ASTN1: variants seen among roughly 807,000 people sequenced by gnomAD.
The protein encoded by ASTN1 is astrotactin-1.
ASTN1 carries 41 observed loss-of-function variants against 140.7 expected under a neutral mutation model. The observed-to-expected ratio is 0.29, with a 90% confidence interval of 0.23 to 0.38. ASTN1 has a LOEUF of 0.38. Ranked by LOEUF, ASTN1 falls within the 10% of genes least tolerant of loss-of-function variation. ASTN1 has a pLI of 1.00. For missense variants in ASTN1, 1,479 were observed against 1,678.8 expected, an observed-to-expected ratio of 0.88 and a Z score of 2.08; for synonymous variants, 640 against 652.2, an observed-to-expected ratio of 0.98 and a Z score of 0.29.
downstream of ASTN1, chr1:176,857,780 G>A (rs1667857352): frequency 1.2e-5 from 5 of 405,266 alleles, no homozygotes; most frequent in East Asian, 1.8e-4. Context: ...TTAGGAGTAT[G>A]TGCTTTACTG....
intron 2 of ASTN1, among the ~76,000 whole-genome samples, chr1:177,049,804 C>T (rs549018653): frequency 3.7e-4 from 56 of 152,226 alleles, no homozygotes; most frequent in Admixed American, 2.0e-3. Context: ...TTGCCTTATC[C>T]GAACCCAAGG....
intron 8 of ASTN1, among the ~76,000 whole-genome samples, chr1:176,966,582 A>AT (rs1388830497): frequency 1.3e-5 from 2 of 152,240 alleles, no homozygotes; most frequent in African/African-American, 4.8e-5. Context: ...TTCTAGGTCC[A>AT]TAACTACTTT....
chr1:176,860,630 T>C (rs1667931926), downstream of ASTN1, among the ~76,000 whole-genome samples: 1 of 152,216 alleles, frequency 6.6e-6, no homozygotes, highest in Admixed American at 6.5e-5. Context: ...ACATTTTTCT[T>C]AAATGGCCAA....
chr1:177,068,888 A>T (rs1401422292), intron 1 of ASTN1, among the ~76,000 whole-genome samples: 3 of 145,668 alleles, frequency 2.1e-5, no homozygotes, highest in Non-Finnish European at 4.5e-5. Flanking sequence ...GCATGATCTC[A>T]GCTCACTTCA....
intron 2 of ASTN1, among the ~76,000 whole-genome samples, chr1:177,041,036 T>C (rs1676945195): frequency 6.6e-6 from 1 of 152,196 alleles, no homozygotes; most frequent in Non-Finnish European, 1.5e-5. Flanking sequence ...TCTCTCATCA[T>C]TAGTAGCTAC....
chr1:177,030,809 T>C lies in ASTN1; in HGVS notation c.1009A>G (p.Arg337Gly), dbSNP rs758141007. ...CCCTAATGTCAGACATGCATACCTCTTGCTTTGTTGTTGATCCGCTTTCTC... is the reference window on the plus strand; with the variant it reads ...CCCTAATGTCAGACATGCATACCTCCTGCTTTGTTGTTGATCCGCTTTCTC... ...SQRKRINNKA[R>G]AGSAFLNPEG... Residue 337 changes from arginine (R) to glycine (G), a missense_variant, in exon 4 of 23, where the codon AGA becomes GGA. Transcript: ENST00000361833. 1.7e-5 allele frequency: 28 copies of C among 1,613,982 alleles called. No individual in the cohort carries two copies. Among genetic ancestry groups the C allele is most frequent in the Non-Finnish European group, 2.4e-5 (28 of 1,179,968 alleles).
chr1:177,161,112 T>A (rs17314464), intron 1 of ASTN1, among the ~76,000 whole-genome samples: 46,617 of 152,094 alleles, frequency 0.31, 7,956 homozygotes, highest in Middle Eastern at 0.45. Flanking sequence ...CTTGGAATTA[T>A]ACCACACGCA....
At chr1:176,910,088 G>T (rs532496206) in intron 16 of ASTN1, among the ~76,000 whole-genome samples, 1 of 152,286 alleles carries the variant, frequency 6.6e-6, no homozygotes, top group Non-Finnish European at 1.5e-5. Context: ...AAATGGCGTT[G>T]TGAAAACTGA....
chr1:176,996,289 T>TCTCA lies in ASTN1; in HGVS notation c.1523+18501_1523+18502insTGAG, dbSNP rs1553240565. ...CTCTCTCTCTCTCTCTCTCTCTCTC[T>TCTCA]CACACACACACACACACACACAGAG... On this transcript the variant is annotated intron_variant, in intron 8 of 22. Coordinates refer to ENST00000361833, the MANE Select transcript of ASTN1 (RefSeq NM_004319.3). Among the ~76,000 whole-genome samples, 1,151 of 129,364 alleles carry TCTCA rather than the reference T, an allele frequency of 8.9e-3. 8 individuals carry two copies. The highest frequency in any genetic ancestry group is 0.014 in the Non-Finnish European group (881 of 61,880). 84.9% of individuals were successfully genotyped at this position (129,364 alleles called of 152,430 possible).
intron 21 of ASTN1, among the ~76,000 whole-genome samples, chr1:176,875,073 G>A (rs559101346): frequency 4.7e-4 from 71 of 152,284 alleles, no homozygotes; most frequent in African/African-American, 1.3e-3. Flanking sequence ...ATGTTCTGAA[G>A]AATAAAACAT....
At chr1:176,874,207 G>C (rs1449862589) in intron 21 of ASTN1, among the ~76,000 whole-genome samples, 3 of 152,130 alleles carry the variant, frequency 2.0e-5, no homozygotes, top group African/African-American at 7.2e-5. Context: ...ATGAAATAAG[G>C]GTGTCATGGG....
At chr1:176,983,881 T>C (rs1271499304) in intron 8 of ASTN1, among the ~76,000 whole-genome samples, 2 of 152,242 alleles carry the variant, frequency 1.3e-5, no homozygotes, top group Admixed American at 6.5e-5. Flanking sequence ...AAAAGATTTC[T>C]GATTCCCATG....
intron 9 of ASTN1, among the ~76,000 whole-genome samples, chr1:176,964,941 T>G (rs1044382530): frequency 2.0e-5 from 3 of 152,146 alleles, no homozygotes; most frequent in African/African-American, 7.2e-5. Flanking sequence ...TTCCCAGAGC[T>G]GGCAAAGAAG....
Position 177,032,313 on chromosome 1 carries a change from G to A in ASTN1, c.865+143C>T. 3.5e-6 allele frequency: 4 copies of A among 1,138,620 alleles called. No homozygotes were observed. The South Asian group carries it at 6.4e-5, about 18-fold the overall frequency. The allele number at this position is 1,138,620 out of a possible 1,614,324, so 70.5% of individuals were successfully genotyped here. On this transcript the variant is annotated intron_variant, in intron 3 of 22. Coordinates refer to ENST00000361833, the MANE Select transcript of ASTN1 (RefSeq NM_004319.3). ...CAGCTCCCATCATCTCAGGAAACAG[G>A]TTATTCTTGCCTATCTAGGGAAGGG...
At chr1:176,869,096 A>T (rs1168590174) in intron 21 of ASTN1, 69 bp from the exon 22 acceptor site, 11 of 1,117,318 alleles carry the variant, frequency 9.8e-6, no homozygotes, top group South Asian at 5.0e-5. Flanking sequence ...TACACACATT[A>T]TATATGATCT....
intron 1 of ASTN1, among the ~76,000 whole-genome samples, chr1:177,116,174 G>A (rs536926161): frequency 6.6e-6 from 1 of 152,182 alleles, no homozygotes; most frequent in South Asian, 2.1e-4. Context: ...GGTGAGACAG[G>A]CACAGACTGC....
chr1:177,147,277 C>A (rs1379769327), intron 1 of ASTN1, among the ~76,000 whole-genome samples: 1 of 152,170 alleles, frequency 6.6e-6, no homozygotes, highest in Admixed American at 6.5e-5. Context: ...CTATGGAACA[C>A]TTAGAAGGCT....
At chr1:177,042,014 T>C (rs2101995486) in intron 2 of ASTN1, among the ~76,000 whole-genome samples, 1 of 152,312 alleles carries the variant, frequency 6.6e-6, no homozygotes. Context: ...TAGTTGGGAA[T>C]AGGAGGGGAA....
At chr1:177,049,799 T>G (rs1677443867) in intron 2 of ASTN1, among the ~76,000 whole-genome samples, 1 of 152,140 alleles carries the variant, frequency 6.6e-6, no homozygotes, top group Non-Finnish European at 1.5e-5. Context: ...TGGTGTTGCC[T>G]TATCCGAACC....
Sources: gnomAD v4.1 joint callset for allele counts (sites outside exome capture counted in the v4.1 genomes callset) on GRCh38, gnomAD v4.1.1 for gene constraint, MANE v1.5 for transcripts, NCBI Gene and HGNC (gene_info 2026-07-23, HGNC 2026-07-21) for gene names.